DSCAML1: variants seen among roughly 807,000 people sequenced by gnomAD.
The protein encoded by DSCAML1 is DS cell adhesion molecule like 1.
In DSCAML1, 38 loss-of-function variants were observed where a neutral mutation model predicts 200.5. The observed-to-expected ratio is 0.19, with a 90% CI of 0.15 to 0.25. The LOEUF (loss-of-function observed/expected upper bound fraction) is 0.25, where lower values mean the gene tolerates loss of function less well. DSCAML1 is among the 10% of genes least tolerant of loss of function. The pLI is 1.00. For missense variants in DSCAML1, 2,223 were observed against 2,858.8 expected (o/e 0.78, Z 5.07); for synonymous variants, 1,215 against 1,165.0 (o/e 1.04, Z -0.87).
intron 3 of DSCAML1, among the ~76,000 whole-genome samples, chr11:117,726,140 C>T (rs1020235780): frequency 1.3e-5 from 2 of 152,166 alleles, no homozygotes; most frequent in Admixed American, 6.5e-5. Flanking sequence ...TAGTTCTGGG[C>T]CTGAAATGCT....
chr11:117,724,520 CTT>C (rs2054090792), intron 3 of DSCAML1, among the ~76,000 whole-genome samples: 1 of 152,208 alleles, frequency 6.6e-6, no homozygotes, highest in South Asian at 2.1e-4. Context: ...TCTTGCTACT[CTT>C]TATTCATTAA....
intron 20 of DSCAML1, among the ~76,000 whole-genome samples, chr11:117,444,324 G>A (rs2048132795): frequency 6.6e-6 from 1 of 152,208 alleles, no homozygotes; most frequent in African/African-American, 2.4e-5. Context: ...GCCAGGGGAT[G>A]TGAGTACTTT....
chr11:117,757,112 C>A (rs558959893), intron 3 of DSCAML1, among the ~76,000 whole-genome samples: 6 of 152,156 alleles, frequency 3.9e-5, no homozygotes, highest in East Asian at 1.9e-4. Context: ...AGATTTTAGT[C>A]CCCCCATCTA....
chr11:117,551,967 G>A (rs191413263), intron 3 of DSCAML1, among the ~76,000 whole-genome samples: 96 of 150,282 alleles, frequency 6.4e-4, no homozygotes, highest in Admixed American at 3.3e-3. Flanking sequence ...TCCTGTTAAG[G>A]AGACAATGTC....
intron 21 of DSCAML1, among the ~76,000 whole-genome samples, chr11:117,440,920 CAAAAAAAAAAAAAA>C (rs1170541792): frequency 2.4e-4 from 10 of 41,094 alleles, no homozygotes; most frequent in Non-Finnish European, 4.6e-4. Context: ...GACTCTGTCT[CAAAAAAAAAAAAAA>C]AAAAAAAAAA....
chr11:117,721,116 G>A (rs574204801), intron 3 of DSCAML1, among the ~76,000 whole-genome samples: 5 of 152,286 alleles, frequency 3.3e-5, no homozygotes, highest in East Asian at 3.9e-4. Flanking sequence ...GGCAGATTCC[G>A]GATTCAGATG....
chr11:117,782,551 G>A (rs1009550800), intron 1 of DSCAML1, among the ~76,000 whole-genome samples: 3 of 152,200 alleles, frequency 2.0e-5, no homozygotes, highest in Non-Finnish European at 4.4e-5. Flanking sequence ...GGGACCCTCA[G>A]AAGCTCTGGA....
At chr11:117,803,282 G>T (rs1468798826) in intron 1 of DSCAML1, among the ~76,000 whole-genome samples, 2 of 152,082 alleles carry the variant, frequency 1.3e-5, no homozygotes, top group Non-Finnish European at 2.9e-5. Flanking sequence ...GTGTAGCATA[G>T]GAAAGACAAG....
At chr11:117,529,870 C>A (rs1037670833) in intron 4 of DSCAML1, among the ~76,000 whole-genome samples, 3 of 152,084 alleles carry the variant, frequency 2.0e-5, no homozygotes, top group East Asian at 1.9e-4. Context: ...ACAGTGCCAA[C>A]CCCCTCGGCA....
intron 3 of DSCAML1, among the ~76,000 whole-genome samples, chr11:117,715,775 T>C (rs547574037): frequency 2.0e-5 from 3 of 152,254 alleles, no homozygotes; most frequent in Admixed American, 1.3e-4. Context: ...GGAGTCACAG[T>C]TCTGGCTGGA....
intron 3 of DSCAML1, among the ~76,000 whole-genome samples, chr11:117,698,018 C>T (rs1054271964): frequency 6.6e-6 from 1 of 152,196 alleles, no homozygotes; most frequent in Non-Finnish European, 1.5e-5. Flanking sequence ...GATCCACCTG[C>T]CTCGGCCTCC....
intron 3 of DSCAML1, among the ~76,000 whole-genome samples, chr11:117,633,935 T>C (rs983918628): frequency 2.6e-5 from 4 of 152,172 alleles, no homozygotes; most frequent in African/African-American, 9.7e-5. Flanking sequence ...CTCTGAATGG[T>C]ACCATGTGCA....
rs1170521345 is a variant in DSCAML1, at chr11:117,794,279, T to C, written c.46+2755A>G. On this transcript the variant is annotated intron_variant, in intron 1 of 32. Transcript: ENST00000651296. ...ATGCAAATGCAGGCAACACAGATGC[T>C]GGCACGCTGGATGGAACAACGGAGA... Among the ~76,000 whole-genome samples, 4 of 152,186 alleles carry C rather than the reference T, an allele frequency of 2.6e-5. No individual in the cohort carries two copies. In the East Asian group the frequency reaches 7.7e-4, roughly 29 times the overall value.
intron 15 of DSCAML1, among the ~76,000 whole-genome samples, chr11:117,470,412 A>G (rs981871819): frequency 6.6e-6 from 1 of 152,036 alleles, no homozygotes; most frequent in Non-Finnish European, 1.5e-5. Flanking sequence ...TGTCTCTACT[A>G]AAAATACAAA....
At chr11:117,729,766 TG>T (rs2054188713) in intron 3 of DSCAML1, among the ~76,000 whole-genome samples, 1 of 152,236 alleles carries the variant, frequency 6.6e-6, no homozygotes. Context: ...CTTCCAAAGA[TG>T]CCCAGCATCC....
chr11:117,484,434 C>T (rs957467234), intron 11 of DSCAML1, among the ~76,000 whole-genome samples: 7 of 152,240 alleles, frequency 4.6e-5, no homozygotes, highest in African/African-American at 1.4e-4. Flanking sequence ...CCTCTCAGCA[C>T]ATTCCCCAGC....
intron 3 of DSCAML1, among the ~76,000 whole-genome samples, chr11:117,540,758 G>A (rs2050253421): frequency 6.6e-6 from 1 of 151,998 alleles, no homozygotes; most frequent in Non-Finnish European, 1.5e-5. Flanking sequence ...GAGTTGATGG[G>A]TGCAGCAAAC....
At chr11:117,564,544 C>T (rs2137422399) in intron 3 of DSCAML1, among the ~76,000 whole-genome samples, 1 of 152,260 alleles carries the variant, frequency 6.6e-6, no homozygotes, top group South Asian at 2.1e-4. Flanking sequence ...CTGCCTCAGA[C>T]CTCTGCTCTT....
chr11:117,715,838 G>T (rs1485379094), intron 3 of DSCAML1, among the ~76,000 whole-genome samples: 1 of 152,096 alleles, frequency 6.6e-6, no homozygotes, highest in East Asian at 1.9e-4. Context: ...CTATCCAGTC[G>T]GTGTGGTTTA....
Sources: allele counts gnomAD v4.1 joint callset (sites outside exome capture counted in the v4.1 genomes callset), GRCh38; gene constraint gnomAD v4.1.1; transcripts MANE v1.5; gene names NCBI Gene and HGNC (gene_info 2026-07-23, HGNC 2026-07-21).